Variants in ODAD4 observed in about 807,000 individuals in gnomAD.
ODAD4 encodes outer dynein arm docking complex subunit 4.
ODAD4 carries 49 observed loss-of-function variants against 51.8 expected under a neutral mutation model. The observed-to-expected ratio is 0.95, with a 90% CI of 0.75 to 1.20. The LOEUF (loss-of-function observed/expected upper bound fraction) is 1.20. ODAD4 is among the 50% of genes most tolerant of loss of function. ODAD4 has a pLI of 0.00. For synonymous variants in ODAD4, 235 were observed against 221.3 expected (o/e 1.06, Z -0.55); for missense variants, 590 against 586.5 (o/e 1.01, Z -0.06).
intron 10 of ODAD4, among the ~76,000 whole-genome samples, chr17:41,959,952 C>T (rs893999998): frequency 2.0e-5 from 3 of 152,212 alleles, no homozygotes; most frequent in African/African-American, 7.2e-5. Context: ...AGCATGTTGT[C>T]GTCCTCGTCA....
chr17:41,946,310 A>G (rs1481202235), intron 8 of ODAD4, among the ~76,000 whole-genome samples: 1 of 151,880 alleles, frequency 6.6e-6, no homozygotes, highest in African/African-American at 2.4e-5. Context: ...CTGGCTGCCA[A>G]TTTATCACTT....
At chr17:41,959,009 G>T (rs1240667957) in intron 10 of ODAD4, among the ~76,000 whole-genome samples, 3 of 147,380 alleles carry the variant, frequency 2.0e-5, no homozygotes, top group African/African-American at 7.6e-5. Flanking sequence ...GCGAGACTCC[G>T]TCTCAAAAAA....
Position 41,965,629 on chromosome 17 carries a change from T to A in ODAD4, c.*146T>A. On this transcript the variant is annotated 3_prime_UTR_variant, in exon 12 of 12. Transcript: ENST00000377540. Reference sequence around the variant, plus strand: ...TTTCCATCACTATTTTGCCATTAAATAGGTGTCTTTCACTCTTGCAAACCC... The same window carrying A: ...TTTCCATCACTATTTTGCCATTAAAAAGGTGTCTTTCACTCTTGCAAACCC... The A allele has an allele frequency of 1.7e-6, 1 of 599,728 alleles. No homozygotes were observed. The highest frequency in any genetic ancestry group is 2.9e-6 in the Non-Finnish European group (1 of 339,724). 37.2% of individuals were successfully genotyped at this position (599,728 alleles called of 1,614,324 possible).
intron 7 of ODAD4, among the ~76,000 whole-genome samples, chr17:41,939,410 G>T (rs992066276): frequency 6.6e-6 from 1 of 152,192 alleles, no homozygotes; most frequent in Admixed American, 6.5e-5. Context: ...GCTACCCAAT[G>T]ATCTGGCTCT....
In ODAD4 at chr17:41,930,729, G is replaced by C; in HGVS notation, c.6G>C (p.Ser2=). The change falls in exon 1 of 12, where the codon TCG becomes TCC. Residue 2 remains serine, a synonymous_variant. Coordinates refer to ENST00000377540, the MANE Select transcript of ODAD4 (RefSeq NM_031421.5). M[S]DPEGETLRST... is the part of the protein sequence containing the mutation. ...CGTCTCTAAATCCGGTCACCATGTCGGACCCCGAAGGCGAGACCTTGCGAA... is the reference window on the plus strand; with the variant it reads ...CGTCTCTAAATCCGGTCACCATGTCCGACCCCGAAGGCGAGACCTTGCGAA... 3 of 1,606,570 alleles carry C rather than the reference G, an allele frequency of 1.9e-6. No homozygotes were observed. Among genetic ancestry groups the C allele is most frequent in the Non-Finnish European group, 2.6e-6 (3 of 1,175,374 alleles).
intron 9 of ODAD4, among the ~76,000 whole-genome samples, chr17:41,950,151 G>A (rs2050634592): frequency 6.6e-6 from 1 of 151,612 alleles, no homozygotes; most frequent in Non-Finnish European, 1.5e-5. Flanking sequence ...TGTATTTTTA[G>A]TAGAGACGGG....
At position 41,936,512 on chromosome 17, in the gene ODAD4, C is replaced by A; in HGVS notation, c.437C>A (p.Ser146Tyr). The A allele has an allele frequency of 6.2e-7, 1 of 1,613,208 alleles. No individual in the cohort carries two copies. Among genetic ancestry groups the A allele is most frequent in the Non-Finnish European group, 8.5e-7 (1 of 1,179,674 alleles). Residue 146 changes from serine (S) to tyrosine (Y), a missense_variant, in exon 4 of 12, where the codon TCC becomes TAC. Transcript: ENST00000377540. The part of the protein sequence containing the change: ...SIKLENKGDL[S>Y]FLSKQAENIK... The stretch of plus-strand genomic sequence containing the variant: ...AAGCTGGAGAACAAAGGGGACCTCT[C>A]CTTCTTAAGCAAGCAGGCTGAGGTA...
rs544084878 is a variant in ODAD4, at chr17:41,939,101, C to A, written c.987C>A (p.Ala329=). 6.2e-7 allele frequency: 1 copy of A among 1,613,988 alleles called. No homozygotes were observed. Among genetic ancestry groups the A allele is most frequent in the African/African-American group, 1.3e-5 (1 of 75,042 alleles). ...ACTTGTATAGCTGCATAGGGAATGC[C>A]CAGATTGAGCTGGGGCAGATGGAGG... The part of the protein sequence containing the change: ...VGNLYSCIGN[A]QIELGQMEAA... Residue 329 remains alanine, a synonymous_variant, in exon 7 of 12, where the codon GCC becomes GCA. Transcript: ENST00000377540.
chr17:41,943,918 G>A (rs998984493), intron 7 of ODAD4, among the ~76,000 whole-genome samples: 2 of 152,110 alleles, frequency 1.3e-5, no homozygotes, highest in East Asian at 1.9e-4. Context: ...CCTAGGAAAC[G>A]TGGCAAAACT....
At position 41,939,089 on chromosome 17, in the gene ODAD4, C is replaced by A. The variant is rs782808326; in HGVS notation, c.975C>A (p.Cys325Ter). 1 of 1,613,978 alleles carries A rather than the reference C, an allele frequency of 6.2e-7. No homozygotes were observed. The part of the protein sequence containing the change: ...KDELVGNLYS[C>*]IGNAQIELGQ... ...AACTGGTTGGAAACTTGTATAGCTG[C>A]ATAGGGAATGCCCAGATTGAGCTGG... The change falls in exon 7 of 12, where the codon TGC (cysteine) becomes TGA (stop). Residue 325 changes from cysteine to a stop codon, truncating the protein, a stop_gained. Transcript: ENST00000377540. LOFTEE classifies it high-confidence loss of function.
At chr17:41,935,881 G>A in intron 3 of ODAD4, 132 bp downstream of exon 3, 1 of 1,108,342 alleles carries the variant, frequency 9.0e-7, no homozygotes, top group Non-Finnish European at 1.3e-6. Context: ...GGATTTGGCT[G>A]CTGCAGTGTT....
At chr17:41,933,906 A>G (rs2050385674) in intron 1 of ODAD4, among the ~76,000 whole-genome samples, 1 of 151,620 alleles carries the variant, frequency 6.6e-6, no homozygotes. Context: ...AAAAGAGGAC[A>G]CTGGGAGTGG....
intron 8 of ODAD4, among the ~76,000 whole-genome samples, chr17:41,945,548 A>G (rs905566645): frequency 6.6e-6 from 1 of 152,088 alleles, no homozygotes; most frequent in Admixed American, 6.6e-5. Context: ...ACAGGTCTGC[A>G]GCAACCTCAA....
chr17:41,945,341 T>C, intron 8 of ODAD4, 119 bp downstream of exon 8: 6 of 368,456 alleles, frequency 1.6e-5, no homozygotes, highest in East Asian at 4.7e-5. Context: ...ACTCCCTCTC[T>C]ACAAAAAAAA....
Position 41,961,382 on chromosome 17 carries a change from GC to G in ODAD4, c.1446del (p.Leu483TrpfsTer12). On this transcript the variant is annotated frameshift_variant and splice_region_variant, in exon 11 of 12. Coordinates refer to ENST00000377540, the MANE Select transcript of ODAD4 (RefSeq NM_031421.5). LOFTEE classifies it high-confidence loss of function. The part of the protein sequence containing the change: ...NNEAQQAIIS[A>X]LDDANKGIIR... ...GCTAAGCTCCCTCTACCATCCACAG[GC>G]CTTGGACGATGCCAACAAGGGTATC... 1 of 743,526 alleles carries G rather than the reference GC, an allele frequency of 1.3e-6. No individual in the cohort carries two copies. Among genetic ancestry groups the G allele is most frequent in the Non-Finnish European group, 2.5e-6 (1 of 399,374 alleles). 46.1% of individuals were successfully genotyped at this position (743,526 alleles called of 1,614,324 possible).
chr17:41,964,923 G>A (rs2050856306), intron 11 of ODAD4, 70 bp from the exon 12 acceptor site: 2 of 634,648 alleles, frequency 3.2e-6, no homozygotes, highest in Non-Finnish European at 5.7e-6. Flanking sequence ...GATTACAGGC[G>A]TGAGCCACCG....
intron 10 of ODAD4, among the ~76,000 whole-genome samples, chr17:41,960,634 A>G (rs2050793002): frequency 1.3e-5 from 2 of 152,192 alleles, no homozygotes; most frequent in South Asian, 4.1e-4. Context: ...TTAGGGGCAG[A>G]GAGAAGGTAC....
In ODAD4 at chr17:41,946,309, A is replaced by G. The variant is rs1598081070; in HGVS notation, c.1145+1087A>G. Among the ~76,000 whole-genome samples, 2 of 152,006 alleles carry G rather than the reference A, an allele frequency of 1.3e-5. 1 individual carries two copies. Among genetic ancestry groups the G allele is most frequent in the Admixed American group, 1.3e-4 (2 of 15,272 alleles). On this transcript the variant is annotated intron_variant, in intron 8 of 11. Coordinates refer to ENST00000377540, the MANE Select transcript of ODAD4 (RefSeq NM_031421.5). ...TGCCCTCTCCATGACACTGGCTGCC[A>G]ATTTATCACTTTTTTTTGTTTGTTT... is the stretch of plus-strand genomic sequence containing the variant.
chr17:41,932,115 G>T (rs548633868), intron 1 of ODAD4, among the ~76,000 whole-genome samples: 3 of 152,148 alleles, frequency 2.0e-5, no homozygotes, highest in Admixed American at 6.6e-5. Context: ...TCTTGCCCAG[G>T]CTGGAGTGCA....
Sources: allele counts gnomAD v4.1 joint callset (sites outside exome capture counted in the v4.1 genomes callset), GRCh38; gene constraint gnomAD v4.1.1; transcripts MANE v1.5; gene names NCBI Gene and HGNC (gene_info 2026-07-23, HGNC 2026-07-21).